Variants in LRMDA observed in about 807,000 individuals in gnomAD.
The protein encoded by LRMDA is leucine-rich melanocyte differentiation-associated protein.
A neutral mutation model predicts 29.8 loss-of-function variants in LRMDA; 18 were observed. The observed-to-expected ratio is 0.60, with a 90% CI of 0.42 to 0.90. LRMDA has a LOEUF of 0.90. Among genes scored for constraint, LRMDA ranks in the 40% least tolerant of loss-of-function variants. The pLI is 0.00. For missense variants in LRMDA, 273 were observed against 273.9 expected, an observed-to-expected ratio of 1.00 and a Z score of 0.02; for synonymous variants, 125 against 109.4, an observed-to-expected ratio of 1.14 and a Z score of -0.89.
intron 2 of LRMDA, among the ~76,000 whole-genome samples, chr10:75,933,594 A>G (rs1050549252): frequency 1.3e-5 from 2 of 152,150 alleles, no homozygotes; most frequent in African/African-American, 4.8e-5. Context: ...TGTTTGTAGC[A>G]GTAATTCCTG....
rs113474130 is a variant in LRMDA at position 75,530,269 on chromosome 10, G to GA, written c.131+91786dup. On this transcript the variant is annotated intron_variant, in intron 2 of 6. Coordinates refer to ENST00000611255, the MANE Select transcript of LRMDA (RefSeq NM_001305581.2). ...TCTACAGTGATCATATTTAGAATTTGAAAAAAAAAAATAACATTGATTGAT... is the reference window on the plus strand; with the variant it reads ...TCTACAGTGATCATATTTAGAATTTGAAAAAAAAAAAATAACATTGATTGAT... Among the ~76,000 whole-genome samples the GA allele has an allele frequency of 9.4e-3, 1,364 of 144,544 alleles. 23 individuals carry two copies. Among genetic ancestry groups the GA allele is most frequent in the African/African-American group, 0.03 (1,177 of 39,730 alleles). 94.8% of individuals were successfully genotyped at this position (144,544 alleles called of 152,430 possible). A position where few individuals can be genotyped will look rare whatever the true frequency, so the allele number is the denominator to read the frequency against.
intron 6 of LRMDA, among the ~76,000 whole-genome samples, chr10:76,362,618 G>A (rs1331364926): frequency 6.6e-6 from 1 of 152,140 alleles, no homozygotes; most frequent in East Asian, 1.9e-4. Context: ...CCCCCCTGGT[G>A]GGGTTGGGCT....
intron 5 of LRMDA, among the ~76,000 whole-genome samples, chr10:76,311,343 A>AT (rs11446634): frequency 0.65 from 98,874 of 152,064 alleles, 34,695 homozygotes; most frequent in Non-Finnish European, 0.81. Context: ...TGTGCTTTTA[A>AT]TTTTTTCTAA....
chr10:75,710,215 T>C (rs1189511888), intron 2 of LRMDA, among the ~76,000 whole-genome samples: 1 of 152,204 alleles, frequency 6.6e-6, no homozygotes, highest in African/African-American at 2.4e-5. Context: ...AGAAAATGTG[T>C]TAATGACAGA....
At chr10:76,012,654 C>G (rs766791775) in intron 2 of LRMDA, among the ~76,000 whole-genome samples, 4 of 152,098 alleles carry the variant, frequency 2.6e-5, no homozygotes, top group South Asian at 2.1e-4. Flanking sequence ...CAGTTCACAA[C>G]GAGGCAGTGC....
At chr10:76,128,307 G>C (rs1849921979) in intron 5 of LRMDA, among the ~76,000 whole-genome samples, 1 of 152,192 alleles carries the variant, frequency 6.6e-6, no homozygotes, top group Admixed American at 6.5e-5. Flanking sequence ...GTTCCTGCTG[G>C]ATGCAAGCCA....
intron 6 of LRMDA, among the ~76,000 whole-genome samples, chr10:76,349,235 C>A (rs1390825551): frequency 1.3e-5 from 2 of 152,260 alleles, no homozygotes; most frequent in Non-Finnish European, 2.9e-5. Context: ...GCATTTTAGG[C>A]ATTGCAGGTC....
At chr10:75,930,171 C>A (rs1846183854) in intron 2 of LRMDA, among the ~76,000 whole-genome samples, 1 of 152,184 alleles carries the variant, frequency 6.6e-6, no homozygotes, top group Non-Finnish European at 1.5e-5. Context: ...AATAATAGTT[C>A]TTTCACCTGA....
chr10:76,469,275 C>T (rs1381207376), intron 6 of LRMDA, among the ~76,000 whole-genome samples: 2 of 152,088 alleles, frequency 1.3e-5, no homozygotes, highest in African/African-American at 4.8e-5. Context: ...GAGCAGGCTG[C>T]CAACATTTCT....
At chr10:76,302,637 A>G (rs1006102926) in intron 5 of LRMDA, among the ~76,000 whole-genome samples, 40 of 152,072 alleles carry the variant, frequency 2.6e-4, no homozygotes, top group African/African-American at 9.4e-4. Context: ...GTGATATTGG[A>G]TGATTTATTT....
At chr10:76,110,404 G>T (rs1341870880) in intron 5 of LRMDA, among the ~76,000 whole-genome samples, 1 of 152,184 alleles carries the variant, frequency 6.6e-6, no homozygotes, top group African/African-American at 2.4e-5. Flanking sequence ...ACCCCTTGCA[G>T]TCTACTCTGC....
At chr10:75,498,472 G>A (rs114344867) in intron 2 of LRMDA, among the ~76,000 whole-genome samples, 6,115 of 152,270 alleles carry the variant, frequency 0.04, 388 homozygotes, top group African/African-American at 0.14. Context: ...GAGTGTTTGC[G>A]TGTGCATGCG....
At chr10:75,935,188 T>G (rs1846268088) in intron 2 of LRMDA, among the ~76,000 whole-genome samples, 1 of 152,152 alleles carries the variant, frequency 6.6e-6, no homozygotes, top group South Asian at 2.1e-4. Flanking sequence ...CTCAAAGCCT[T>G]GAGGATCCCA....
intron 2 of LRMDA, among the ~76,000 whole-genome samples, chr10:75,848,842 G>A (rs58561485): frequency 1.3e-5 from 2 of 152,256 alleles, no homozygotes; most frequent in South Asian, 2.1e-4. Flanking sequence ...GGAGGGAAAA[G>A]TGGCTCGTTT....
intron 5 of LRMDA, among the ~76,000 whole-genome samples, chr10:76,248,461 G>T (rs546866689): frequency 6.6e-6 from 1 of 152,248 alleles, no homozygotes; most frequent in African/African-American, 2.4e-5. Context: ...TGAAGAGTCC[G>T]TCAAAAACAT....
chr10:75,614,273 C>G (rs1331460249), intron 2 of LRMDA, among the ~76,000 whole-genome samples: 1 of 152,056 alleles, frequency 6.6e-6, no homozygotes, highest in Non-Finnish European at 1.5e-5. Flanking sequence ...AAATAAGCAT[C>G]CAGAGCAGAT....
At chr10:75,813,696 A>G (rs1050726691) in intron 2 of LRMDA, among the ~76,000 whole-genome samples, 1 of 152,262 alleles carries the variant, frequency 6.6e-6, no homozygotes, top group African/African-American at 2.4e-5. Flanking sequence ...TTGTTGTATT[A>G]TAGATACAAC....
At chr10:75,679,043 C>G (rs533401893) in intron 2 of LRMDA, among the ~76,000 whole-genome samples, 1 of 152,244 alleles carries the variant, frequency 6.6e-6, no homozygotes, top group South Asian at 2.1e-4. Context: ...AAACACAGAG[C>G]CCTCCTCCTC....
At chr10:75,520,290 A>G (rs1254543606) in intron 2 of LRMDA, among the ~76,000 whole-genome samples, 1 of 151,990 alleles carries the variant, frequency 6.6e-6, no homozygotes, top group Non-Finnish European at 1.5e-5. Flanking sequence ...ACTTGGTTCA[A>G]TTTTCCTGTC....
Sources: gnomAD v4.1 joint callset for allele counts (sites outside exome capture counted in the v4.1 genomes callset) on GRCh38, gnomAD v4.1.1 for gene constraint, MANE v1.5 for transcripts, NCBI Gene and HGNC (gene_info 2026-07-23, HGNC 2026-07-21) for gene names.